The following MALRD1 variants were observed in gnomAD, a reference collection of about 807,000 sequenced individuals.
The protein encoded by MALRD1 is MAM and LDL-receptor class A domain-containing protein 1.
MALRD1 carries 247 observed loss-of-function variants against 242.1 expected under a neutral mutation model. That is an observed-to-expected ratio of 1.02 (90% CI 0.92 to 1.13). The LOEUF is 1.13. Among genes scored for constraint, MALRD1 ranks in the 50% most tolerant of loss-of-function variants. The pLI is 0.00. For missense variants in MALRD1, 2,989 were observed against 2,533.1 expected (o/e 1.18, Z -3.86); for synonymous variants, 995 against 866.6 (o/e 1.15, Z -2.60).
chr10:19,434,608 T>C (rs1834275862), intron 28 of MALRD1, among the ~76,000 whole-genome samples: 1 of 152,002 alleles, frequency 6.6e-6, no homozygotes, highest in Non-Finnish European at 1.5e-5. Flanking sequence ...TCACATATTA[T>C]TCTACATTCA....
At chr10:19,382,781 T>A (rs1171107613) in intron 26 of MALRD1, among the ~76,000 whole-genome samples, 2 of 152,140 alleles carry the variant, frequency 1.3e-5, no homozygotes, top group African/African-American at 4.8e-5. Context: ...TATACTAGAA[T>A]GTTTAACAAC....
chr10:19,262,008 C>T (rs895203196), intron 19 of MALRD1, among the ~76,000 whole-genome samples: 2 of 151,970 alleles, frequency 1.3e-5, no homozygotes, highest in African/African-American at 4.8e-5. Context: ...TATTAATATT[C>T]CCCAATAGTT....
chr10:19,170,585 T>C (rs957704149), intron 13 of MALRD1, among the ~76,000 whole-genome samples: 1 of 151,966 alleles, frequency 6.6e-6, no homozygotes, highest in Non-Finnish European at 1.5e-5. Context: ...GGTGATCGAG[T>C]CTCCGTAAAG....
chr10:19,145,319 G>T (rs1052716307), intron 10 of MALRD1, among the ~76,000 whole-genome samples: 1 of 152,080 alleles, frequency 6.6e-6, no homozygotes, highest in African/African-American at 2.4e-5. Context: ...GAAATTAAGT[G>T]CTTGGCAACT....
At chr10:19,109,374 T>C in intron 5 of MALRD1, among the ~76,000 whole-genome samples, 1 of 152,180 alleles carries the variant, frequency 6.6e-6, no homozygotes, top group East Asian at 1.9e-4. Flanking sequence ...TTGCTGATGT[T>C]CATGGTGCCA....
chr10:19,286,567 T>C (rs1171505895), intron 21 of MALRD1, among the ~76,000 whole-genome samples: 1 of 152,190 alleles, frequency 6.6e-6, no homozygotes, highest in East Asian at 1.9e-4. Context: ...CTAGAAAATC[T>C]AGAAGAAATG....
intron 1 of MALRD1, among the ~76,000 whole-genome samples, chr10:19,049,735 T>G (rs1834429599): frequency 6.6e-6 from 1 of 152,210 alleles, no homozygotes; most frequent in African/African-American, 2.4e-5. Flanking sequence ...TTGAACTTTA[T>G]TTTATTATAA....
chr10:19,253,470 A>G (rs927618423), intron 18 of MALRD1, among the ~76,000 whole-genome samples: 47 of 152,054 alleles, frequency 3.1e-4, no homozygotes, highest in African/African-American at 9.9e-4. Context: ...CAACAAATGT[A>G]CAGTTGTCTT....
At chr10:19,233,277 G>A (rs922345648) in intron 18 of MALRD1, among the ~76,000 whole-genome samples, 10 of 152,100 alleles carry the variant, frequency 6.6e-5, no homozygotes, top group South Asian at 6.2e-4. Flanking sequence ...CGAGGTGGGC[G>A]GATCGCCTGA....
chr10:19,276,820 C>T (rs77868885), intron 19 of MALRD1, among the ~76,000 whole-genome samples: 2 of 151,542 alleles, frequency 1.3e-5, no homozygotes, highest in Non-Finnish European at 2.9e-5. Context: ...GTTAGGATCT[C>T]CTTTTTTTTT....
At chr10:19,099,374 T>C (rs2131323712) in intron 4 of MALRD1, among the ~76,000 whole-genome samples, 1 of 152,332 alleles carries the variant, frequency 6.6e-6, no homozygotes, top group East Asian at 1.9e-4. Context: ...CCATCGGTCA[T>C]CACCATTTCC....
At chr10:19,638,985 G>C (rs1564507092) in intron 36 of MALRD1, among the ~76,000 whole-genome samples, 1 of 151,988 alleles carries the variant, frequency 6.6e-6, no homozygotes, top group Admixed American at 6.6e-5. Flanking sequence ...GGGTTGTTTG[G>C]GGGTGGGAGC....
intron 5 of MALRD1, among the ~76,000 whole-genome samples, chr10:19,110,680 C>G (rs2358313): frequency 0.54 from 82,530 of 152,008 alleles, 22,557 homozygotes; most frequent in Middle Eastern, 0.6. Flanking sequence ...CTGTTACTTT[C>G]CATGGTATTC....
At chr10:19,243,063 C>CTTTTT (rs369350269) in intron 18 of MALRD1, among the ~76,000 whole-genome samples, 1 of 135,950 alleles carries the variant, frequency 7.4e-6, no homozygotes, top group Non-Finnish European at 1.6e-5. Flanking sequence ...TTTCTTTTCC[C>CTTTTT]TTTTTTTTTT....
intron 38 of MALRD1, among the ~76,000 whole-genome samples, chr10:19,697,452 A>T (rs1833431666): frequency 6.6e-6 from 1 of 151,992 alleles, no homozygotes; most frequent in Non-Finnish European, 1.5e-5. Flanking sequence ...ATAAAGGTTA[A>T]TCATGTCTGA....
intron 36 of MALRD1, among the ~76,000 whole-genome samples, chr10:19,689,083 T>C (rs1056172875): frequency 1.3e-5 from 2 of 152,220 alleles, no homozygotes; most frequent in African/African-American, 4.8e-5. Flanking sequence ...AGATAATTTC[T>C]AAAAATAAAT....
At chr10:19,477,970 C>T (rs1836820043) in intron 29 of MALRD1, among the ~76,000 whole-genome samples, 1 of 152,198 alleles carries the variant, frequency 6.6e-6, no homozygotes, top group Non-Finnish European at 1.5e-5. Context: ...TCTACTGGCA[C>T]AGTTGCCGGC....
chr10:19,588,455 A>C (rs1564463762), intron 33 of MALRD1, among the ~76,000 whole-genome samples: 1 of 152,196 alleles, frequency 6.6e-6, no homozygotes, highest in South Asian at 2.1e-4. Flanking sequence ...TCCAAGCTCT[A>C]TTTGAAGTCA....
At chr10:19,680,993 G>A (rs1842347178) in intron 36 of MALRD1, among the ~76,000 whole-genome samples, 1 of 152,212 alleles carries the variant, frequency 6.6e-6, no homozygotes, top group Non-Finnish European at 1.5e-5. Flanking sequence ...TTGGCTTGCA[G>A]GGTTTCTGCT....
Sources: gnomAD v4.1 joint callset for allele counts (sites outside exome capture counted in the v4.1 genomes callset) on GRCh38, gnomAD v4.1.1 for gene constraint, MANE v1.5 for transcripts, NCBI Gene and HGNC (gene_info 2026-07-23, HGNC 2026-07-21) for gene names.